The following TTLL12 variants were observed in gnomAD, a reference collection of about 807,000 sequenced individuals.
TTLL12 encodes the protein tubulin--tyrosine ligase-like protein 12.
TTLL12 carries 77 observed loss-of-function variants against 79.6 expected under a neutral mutation model. The observed-to-expected ratio is 0.97, with a 90% CI of 0.81 to 1.17. The LOEUF (loss-of-function observed/expected upper bound fraction) is 1.17, where lower values mean the gene tolerates loss of function less well. TTLL12 is among the 50% of genes most tolerant of loss of function. TTLL12 has a pLI of 0.00. For synonymous variants in TTLL12, 437 were observed against 376.1 expected, an observed-to-expected ratio of 1.16 and a Z score of -1.87; for missense variants, 969 against 895.9, an observed-to-expected ratio of 1.08 and a Z score of -1.04.
chr22:43,184,697 T>G (rs1251889127), intron 1 of TTLL12, among the ~76,000 whole-genome samples: 1 of 152,220 alleles, frequency 6.6e-6, no homozygotes, highest in African/African-American at 2.4e-5. Flanking sequence ...CTCAGAGGGC[T>G]GGAATCCAGA....
intron 11 of TTLL12, chr22:43,171,579 C>T: frequency 2.1e-6 from 1 of 483,958 alleles, no homozygotes; most frequent in Non-Finnish European, 3.8e-6. Context: ...TCTGTGTCCA[C>T]ATTATCTCAA....
chr22:43,179,556 T>C, intron 5 of TTLL12, 63 bp downstream of exon 5: 5 of 1,497,898 alleles, frequency 3.3e-6, no homozygotes, highest in South Asian at 1.3e-5. Context: ...ATTTGGTGTG[T>C]GCACAGAGAA....
In TTLL12 at chr22:43,176,309, G is replaced by C. The variant is rs945716413; in HGVS notation, c.917+11C>G. ...AAGTCCCAGCCCAAGCAGTGGGGGG[G>C]GGCTACGCACTTGAAGATGTGGCCG... On this transcript the variant is annotated intron_variant, in intron 6 of 13. Transcript: ENST00000216129. 2 of 1,577,830 alleles carry C rather than the reference G, an allele frequency of 1.3e-6. No individual in the cohort carries two copies. The highest frequency in any genetic ancestry group is 1.2e-5 in the South Asian group (1 of 86,684).
chr22:43,169,685 G>A, intron 11 of TTLL12, 117 bp from the exon 12 acceptor site: 1 of 1,077,902 alleles, frequency 9.3e-7, no homozygotes, highest in African/African-American at 1.6e-5. Flanking sequence ...TCCAGGAGCA[G>A]GCAGCCAACC....
At chr22:43,186,687 G>A (rs893456528) in intron 1 of TTLL12, among the ~76,000 whole-genome samples, 4 of 152,160 alleles carry the variant, frequency 2.6e-5, no homozygotes, top group Admixed American at 1.3e-4. Context: ...TCTCGGGCCC[G>A]GGCAGATCAG....
At chr22:43,171,306 C>A (rs1159813254) in intron 11 of TTLL12, among the ~76,000 whole-genome samples, 2 of 152,234 alleles carry the variant, frequency 1.3e-5, no homozygotes, top group Admixed American at 6.5e-5. Flanking sequence ...TGCCCCTGAG[C>A]TCCAGGTGCT....
chr22:43,171,633 A>G (rs879484372), intron 11 of TTLL12, 186 bp downstream of exon 11: 5 of 567,794 alleles, frequency 8.8e-6, no homozygotes, highest in African/African-American at 1.9e-5. Flanking sequence ...CCTACCTGAG[A>G]CAACACAGAA....
chr22:43,171,989 G>A, intron 10 of TTLL12, 89 bp from the exon 11 acceptor site: 2 of 1,135,790 alleles, frequency 1.8e-6, no homozygotes, highest in South Asian at 1.3e-5. Flanking sequence ...TCCCAACTAG[G>A]GGTTCAGGGC....
At chr22:43,176,862 C>T (rs1250087783) in intron 5 of TTLL12, among the ~76,000 whole-genome samples, 2 of 152,190 alleles carry the variant, frequency 1.3e-5, no homozygotes, top group Non-Finnish European at 2.9e-5. Context: ...CTAACCACCC[C>T]CCTCACCCCA....
chr22:43,171,821 G>A lies in TTLL12; in HGVS notation c.1573C>T (p.Gln525Ter), dbSNP rs149252547. ...TCTGCACCTCCCTCAGGCCCTACCT[G>A]CTTCAGCACCACATCCGGGTCATAG... is the stretch of plus-strand genomic sequence containing the variant. ...MNYDPDVVLK[Q>*]VHCEEFIPEF... The change falls in exon 11 of 14, where the codon CAG (glutamine) becomes TAG (stop). Residue 525 changes from glutamine to a stop codon, truncating the protein, a stop_gained and splice_region_variant. Coordinates refer to ENST00000216129, the MANE Select transcript of TTLL12 (RefSeq NM_015140.4). LOFTEE classifies it high-confidence loss of function. 4 of 1,613,854 alleles carry A rather than the reference G, an allele frequency of 2.5e-6. No homozygotes were observed. In the African/African-American group the frequency reaches 4.0e-5, roughly 16 times the overall value.
intron 11 of TTLL12, among the ~76,000 whole-genome samples, chr22:43,170,638 T>A (rs1035318376): frequency 6.6e-6 from 1 of 152,284 alleles, no homozygotes; most frequent in Non-Finnish European, 1.5e-5. Flanking sequence ...AGGCCGGGCA[T>A]GGTGGCTCAC....
Position 43,167,014 on chromosome 22 carries a change from C to A in TTLL12, c.*994G>T. 3.0e-6 allele frequency: 1 copy of A among 329,946 alleles called. No homozygotes were observed. Among genetic ancestry groups the A allele is most frequent in the East Asian group, 8.6e-5 (1 of 11,570 alleles). The allele number at this position is 329,946 out of a possible 1,614,324, so 20.4% of individuals were successfully genotyped here. A position where few individuals can be genotyped will look rare whatever the true frequency, so the allele number is the denominator to read the frequency against. ...ACACAAAAACGCTGGCAGCTGACTC[C>A]TAATTTCAGAAACACAATTAGAAAA... On this transcript the variant is annotated 3_prime_UTR_variant, in exon 14 of 14. Transcript: ENST00000216129.
At position 43,174,380 on chromosome 22, in the gene TTLL12, C is replaced by G; in HGVS notation, c.1058G>C (p.Gly353Ala). The change falls in exon 8 of 14, where the codon GGC becomes GCC. Residue 353 changes from glycine (G) to alanine (A), a missense_variant. Transcript: ENST00000216129. Reference sequence around the variant, plus strand: ...GCAGGGGAACTGGTTCAGCAGCACGCCTGGCCTCTCCTGGCTGAGTTTCCT... The same window carrying G: ...GCAGGGGAACTGGTTCAGCAGCACGGCTGGCCTCTCCTGGCTGAGTTTCCT... The part of the protein sequence containing the change: ...DYRKLSQERP[G>A]VLLNQFPCEN... The G allele has an allele frequency of 1.3e-6, 2 of 1,565,728 alleles. No individual in the cohort carries two copies. The highest frequency in any genetic ancestry group is 1.8e-5 in the Admixed American group (1 of 55,928).
In TTLL12 at chr22:43,179,626, T is replaced by C. The variant is rs1335732126; in HGVS notation, c.833A>G (p.His278Arg). ...GGTGGAGGAGGGCTGCACCTGGTAG[T>C]GCTCGGCGGGCGGCTCGGGTGTGCA... ...SSCTPEPPAE[H>R]YQAILEENKE... Residue 278 changes from histidine (H) to arginine (R), a missense_variant, in exon 5 of 14, where the codon CAC becomes CGC. Transcript: ENST00000216129. 6 of 1,582,200 alleles carry C rather than the reference T, an allele frequency of 3.8e-6. No individual in the cohort carries two copies. The highest frequency in any genetic ancestry group is 1.7e-4 in the Middle Eastern group (1 of 5,854).
intron 5 of TTLL12, among the ~76,000 whole-genome samples, chr22:43,178,253 C>G (rs551967450): frequency 1.3e-5 from 2 of 151,924 alleles, no homozygotes; most frequent in Non-Finnish European, 2.9e-5. Context: ...GAGGCCCCCC[C>G]ACCCACAGCC....
In TTLL12 at chr22:43,172,445, C is replaced by T. The variant is rs542327415; in HGVS notation, c.1451G>A (p.Arg484Gln). 1.6e-5 allele frequency: 26 copies of T among 1,614,164 alleles called. No homozygotes were observed. Among genetic ancestry groups the T allele is most frequent in the South Asian group, 2.2e-5 (2 of 91,088 alleles). Residue 484 changes from arginine to glutamine, a missense_variant, in exon 10 of 14, where the codon CGG (arginine) becomes CAG (glutamine). By Grantham distance (43) the Arg-to-Gln change is conservative. Transcript: ENST00000216129. ...CCAGAACACATCATACACGAACAAC[C>T]GTAGGGGCCTCACTGACCGCAGCAG... is the stretch of plus-strand genomic sequence containing the variant. ...IVLLRSVRPL[R>Q]LFVYDVFWLR...
chr22:43,168,199 G>A (rs773909279), intron 13 of TTLL12, 40 bp from the exon 14 acceptor site: 1 of 1,603,618 alleles, frequency 6.2e-7, no homozygotes, highest in Admixed American at 1.7e-5. Context: ...AGGCTCGTTG[G>A]CCTCCACTCT....
intron 6 of TTLL12, among the ~76,000 whole-genome samples, 160 bp downstream of exon 6, chr22:43,176,160 T>C (rs547959996): frequency 6.6e-6 from 1 of 151,968 alleles, no homozygotes; most frequent in Non-Finnish European, 1.5e-5. Flanking sequence ...TCCCAAGAAC[T>C]CCACTCCCTG....
intron 11 of TTLL12, chr22:43,171,502 A>C: frequency 3.6e-6 from 1 of 274,730 alleles, no homozygotes; most frequent in Non-Finnish European, 7.2e-6. Flanking sequence ...TTCCGGTTGA[A>C]GTGGTGGTGA....
Sources: allele counts gnomAD v4.1 joint callset (sites outside exome capture counted in the v4.1 genomes callset), GRCh38; gene constraint gnomAD v4.1.1; transcripts MANE v1.5; gene names NCBI Gene and HGNC (gene_info 2026-07-23, HGNC 2026-07-21).